The following CDH12 variants were observed in gnomAD, a reference collection of about 807,000 sequenced individuals.
CDH12 encodes cadherin 12, also known as cadherin-12.
Under a neutral mutation model 74.1 loss-of-function variants are expected in CDH12, and 41 were observed. The ratio of observed to expected loss-of-function variants is 0.55; its 90% CI spans 0.43 to 0.72. CDH12 has a LOEUF of 0.72. CDH12 is among the 30% of genes least tolerant of loss of function. The probability of loss-of-function intolerance (pLI) is 0.00; values close to 1 mark genes in which losing one functional copy is unlikely to be tolerated. For missense variants in CDH12, 945 were observed against 977.2 expected, an observed-to-expected ratio of 0.97 and a Z score of 0.44; for synonymous variants, 399 against 355.0, an observed-to-expected ratio of 1.12 and a Z score of -1.39.
intron 3 of CDH12, among the ~76,000 whole-genome samples, chr5:22,283,339 A>G (rs950842711): frequency 1.3e-5 from 2 of 150,024 alleles, no homozygotes; most frequent in Non-Finnish European, 3.0e-5. Context: ...TGTATATATC[A>G]CATATATCAC....
In CDH12 at chr5:22,636,911, G is replaced by C. The variant is rs142047685; in HGVS notation, c.-522-131547C>G. 9.7e-4 allele frequency among the ~76,000 whole-genome samples: 148 copies of C among 152,286 alleles called. No individual in the cohort carries two copies. In the Middle Eastern group the frequency reaches 0.034, roughly 35 times the overall value. On this transcript the variant is annotated intron_variant, in intron 1 of 14. Coordinates refer to ENST00000382254, the MANE Select transcript of CDH12 (RefSeq NM_004061.5). ...CATTGAAGAGGACAAGTTGTATACAGGGGAACAGTTGGATGAACAGGTCAG... is the reference window on the plus strand; with the variant it reads ...CATTGAAGAGGACAAGTTGTATACACGGGAACAGTTGGATGAACAGGTCAG...
chr5:21,856,256 C>T (rs1750749001), intron 6 of CDH12, among the ~76,000 whole-genome samples: 1 of 151,640 alleles, frequency 6.6e-6, no homozygotes, highest in Admixed American at 6.6e-5. Flanking sequence ...TAGAAATCAA[C>T]AGTTTATTAA....
intron 3 of CDH12, among the ~76,000 whole-genome samples, chr5:22,307,120 C>T (rs1738148058): frequency 6.6e-6 from 1 of 152,254 alleles, no homozygotes; most frequent in South Asian, 2.1e-4. Flanking sequence ...TGGAAACTCT[C>T]ACAGCTCACC....
chr5:22,389,603 A>C (rs1411151550), intron 3 of CDH12, among the ~76,000 whole-genome samples: 2 of 152,100 alleles, frequency 1.3e-5, no homozygotes, highest in African/African-American at 2.4e-5. Context: ...ACTAAAATTT[A>C]GGTGAGGAGA....
At chr5:21,819,276 A>G in intron 8 of CDH12, among the ~76,000 whole-genome samples, 1 of 152,022 alleles carries the variant, frequency 6.6e-6, no homozygotes, top group East Asian at 1.9e-4. Flanking sequence ...GATATTAGGA[A>G]ATATAAGGGT....
chr5:21,965,537 A>T (rs1756541057), intron 6 of CDH12, among the ~76,000 whole-genome samples: 1 of 152,022 alleles, frequency 6.6e-6, no homozygotes, highest in African/African-American at 2.4e-5. Context: ...CCAATTAAAC[A>T]AATTGCACCC....
intron 2 of CDH12, among the ~76,000 whole-genome samples, chr5:22,482,440 G>A (rs1369672194): frequency 2.0e-5 from 3 of 152,026 alleles, no homozygotes; most frequent in South Asian, 2.1e-4. Flanking sequence ...TCCCCTCTAC[G>A]TACCTTTATG....
Position 22,172,556 on chromosome 5 carries a change from A to C in CDH12, c.-187+39942T>G, listed in dbSNP as rs1471520453. 2.0e-5 allele frequency: 3 copies of C among 151,972 alleles called. No homozygotes were observed. In the East Asian group the frequency reaches 5.8e-4, roughly 29 times the overall value. 9.4% of individuals were successfully genotyped at this position (151,972 alleles called of 1,614,324 possible). ...GGACTAAAAGGTTCATAGTTAGCTA[A>C]ATTAGTCAAGATTCACTTCTTTCAT... is the stretch of plus-strand genomic sequence containing the variant. On this transcript the variant is annotated intron_variant, in intron 4 of 14. Coordinates refer to ENST00000382254, the MANE Select transcript of CDH12 (RefSeq NM_004061.5).
At chr5:22,685,430 G>T (rs1248694646) in intron 1 of CDH12, among the ~76,000 whole-genome samples, 1 of 152,074 alleles carries the variant, frequency 6.6e-6, no homozygotes, top group African/African-American at 2.4e-5. Flanking sequence ...TAGAAATGGG[G>T]TTTCACTACG....
At chr5:22,516,244 C>T (rs1380681761) in intron 1 of CDH12, among the ~76,000 whole-genome samples, 1 of 151,944 alleles carries the variant, frequency 6.6e-6, no homozygotes, top group Non-Finnish European at 1.5e-5. Flanking sequence ...TAGTACAGCC[C>T]TCCAATACAA....
intron 3 of CDH12, among the ~76,000 whole-genome samples, chr5:22,292,652 A>G (rs983991038): frequency 6.6e-6 from 1 of 151,916 alleles, no homozygotes; most frequent in African/African-American, 2.4e-5. Context: ...ACAAACACAA[A>G]TGACCAATAG....
chr5:21,808,212 A>G (rs533265098), intron 9 of CDH12, among the ~76,000 whole-genome samples: 1 of 152,156 alleles, frequency 6.6e-6, no homozygotes, highest in South Asian at 2.1e-4. Context: ...AAAAGACTCC[A>G]AGGCTTAGAT....
intron 3 of CDH12, among the ~76,000 whole-genome samples, chr5:22,376,417 T>C (rs1419224871): frequency 6.6e-6 from 1 of 152,158 alleles, no homozygotes; most frequent in Non-Finnish European, 1.5e-5. Context: ...TTTTCAACAA[T>C]GTAATGTATA....
chr5:22,200,409 AAAT>A (rs1281875325), intron 4 of CDH12, among the ~76,000 whole-genome samples: 1 of 152,154 alleles, frequency 6.6e-6, no homozygotes, highest in Non-Finnish European at 1.5e-5. Context: ...GTGTGAGTTA[AAAT>A]ATGCATGTTC....
intron 3 of CDH12, among the ~76,000 whole-genome samples, chr5:22,384,149 TAAGG>T (rs1741886994): frequency 6.6e-6 from 1 of 152,200 alleles, no homozygotes; most frequent in Non-Finnish European, 1.5e-5. Flanking sequence ...TTTTCTCTTC[TAAGG>T]AAACTTTGCT....
intron 6 of CDH12, among the ~76,000 whole-genome samples, chr5:21,863,617 C>A (rs149719614): frequency 9.9e-5 from 15 of 152,162 alleles, no homozygotes; most frequent in Non-Finnish European, 1.5e-4. Flanking sequence ...AAAGAGTGAC[C>A]TGGTAGCTGG....
intron 6 of CDH12, among the ~76,000 whole-genome samples, chr5:21,864,989 G>T (rs1186221834): frequency 6.6e-6 from 1 of 152,194 alleles, no homozygotes; most frequent in East Asian, 1.9e-4. Flanking sequence ...CCAGAGGAGA[G>T]TTAATGTAAA....
chr5:22,754,937 T>C (rs569447224), intron 1 of CDH12, among the ~76,000 whole-genome samples: 6 of 152,198 alleles, frequency 3.9e-5, no homozygotes, highest in Non-Finnish European at 4.4e-5. Context: ...GACTCCTCTC[T>C]GCAGTGTAAA....
At chr5:22,197,249 C>T (rs1048251716) in intron 4 of CDH12, among the ~76,000 whole-genome samples, 1 of 151,910 alleles carries the variant, frequency 6.6e-6, no homozygotes, top group East Asian at 1.9e-4. Flanking sequence ...TCGAGTCCAT[C>T]CTGGCTAACA....
Sources: gnomAD v4.1 joint callset for allele counts (sites outside exome capture counted in the v4.1 genomes callset) on GRCh38, gnomAD v4.1.1 for gene constraint, MANE v1.5 for transcripts, NCBI Gene and HGNC (gene_info 2026-07-23, HGNC 2026-07-21) for gene names.